ME3: variants seen among roughly 807,000 people sequenced by gnomAD.
The protein encoded by ME3 is malic enzyme 3.
ME3 carries 48 observed loss-of-function variants against 68.9 expected under a neutral mutation model. That is an observed-to-expected ratio of 0.70 (90% CI 0.55 to 0.89). The LOEUF is 0.89. ME3 is among the 40% of genes least tolerant of loss of function. The pLI is 0.00. For synonymous variants in ME3, 320 were observed against 318.8 expected (o/e 1.00, Z -0.04); for missense variants, 675 against 797.4 (o/e 0.85, Z 1.85).
chr11:86,560,734 G>GTATATATATATATATATA (rs1957173032), intron 2 of ME3, among the ~76,000 whole-genome samples: 2 of 54,098 alleles, frequency 3.7e-5, no homozygotes, highest in Non-Finnish European at 8.6e-5. Flanking sequence ...GTATGTGTGT[G>GTATATATATATATATATA]TGTGTGTGTG....
intron 2 of ME3, among the ~76,000 whole-genome samples, chr11:86,586,372 C>T (rs908401317): frequency 6.6e-6 from 1 of 152,120 alleles, no homozygotes; most frequent in Non-Finnish European, 1.5e-5. Context: ...GACAGCTGAC[C>T]CGGCAGCATC....
At chr11:86,436,038 A>G in the ME3 span, 1 of 152,222 alleles carries the variant, frequency 6.6e-6, no homozygotes, top group Non-Finnish European at 1.5e-5. Context: ...AGGTGGTGCA[A>G]CCACAGCATC....
intron 2 of ME3, among the ~76,000 whole-genome samples, chr11:86,567,375 T>G (rs1957547478): frequency 6.6e-6 from 1 of 152,224 alleles, no homozygotes; most frequent in South Asian, 2.1e-4. Context: ...ATACTGGGCT[T>G]CTTTTGTATT....
At chr11:86,467,662 TTCTCTCTCTCTCTCTC>T (rs57747402) in intron 7 of ME3, among the ~76,000 whole-genome samples, 28 of 144,304 alleles carry the variant, frequency 1.9e-4, no homozygotes, top group Admixed American at 1.4e-3. Flanking sequence ...CTCTCTCTGT[TTCTCTCTCTCTCTCTC>T]TCTCTCTCTC....
chr11:86,492,704 A>G (rs897138399), intron 6 of ME3, among the ~76,000 whole-genome samples: 1 of 152,208 alleles, frequency 6.6e-6, no homozygotes, highest in Non-Finnish European at 1.5e-5. Flanking sequence ...AGAGGGTTGA[A>G]TGTGCTCTCT....
At chr11:86,476,047 TC>T (rs1452021455) in intron 7 of ME3, among the ~76,000 whole-genome samples, 1 of 152,076 alleles carries the variant, frequency 6.6e-6, no homozygotes, top group Admixed American at 6.6e-5. Context: ...CTCATTAACT[TC>T]CTTTGTAGTC....
At chr11:86,557,192 A>G (rs1329622605) in intron 3 of ME3, among the ~76,000 whole-genome samples, 1 of 152,188 alleles carries the variant, frequency 6.6e-6, no homozygotes, top group Non-Finnish European at 1.5e-5. Context: ...TTCTGGGCAT[A>G]TAAGCACTCT....
intron 2 of ME3, among the ~76,000 whole-genome samples, chr11:86,648,767 T>A (rs542157933): frequency 6.6e-6 from 1 of 151,900 alleles, no homozygotes; most frequent in South Asian, 2.1e-4. Flanking sequence ...ACATACACCC[T>A]CCCAAGAAGA....
chr11:86,600,412 T>C (rs1412987765), intron 2 of ME3, among the ~76,000 whole-genome samples: 1 of 152,124 alleles, frequency 6.6e-6, no homozygotes, highest in Non-Finnish European at 1.5e-5. Context: ...ATATCCTAAA[T>C]ATATATGCAC....
At chr11:86,553,176 G>A (rs1956777440) in intron 4 of ME3, among the ~76,000 whole-genome samples, 1 of 152,210 alleles carries the variant, frequency 6.6e-6, no homozygotes, top group Admixed American at 6.5e-5. Context: ...ACCTTCTGTG[G>A]TGCCTATCTG....
intron 7 of ME3, among the ~76,000 whole-genome samples, chr11:86,467,548 A>T (rs921109130): frequency 6.6e-6 from 1 of 152,138 alleles, no homozygotes; most frequent in Non-Finnish European, 1.5e-5. Flanking sequence ...AATTTCTACA[A>T]GATTCCCAGT....
At chr11:86,447,609 G>A (rs1270071800) in intron 11 of ME3, among the ~76,000 whole-genome samples, 2 of 152,092 alleles carry the variant, frequency 1.3e-5, no homozygotes, top group African/African-American at 4.8e-5. Flanking sequence ...ACTTTGGGAG[G>A]CTGGGGGGCA....
the ME3 span, chr11:86,435,752 A>G: frequency 1.3e-5 from 2 of 152,286 alleles, no homozygotes; most frequent in Admixed American, 1.3e-4. Flanking sequence ...ATGGTGATAC[A>G]TAGCAGTTGC....
chr11:86,589,404 G>GAATGAATGATA (rs1958931476), intron 2 of ME3, among the ~76,000 whole-genome samples: 2 of 151,686 alleles, frequency 1.3e-5, no homozygotes, highest in African/African-American at 4.9e-5. Flanking sequence ...AATGAATGAT[G>GAATGAATGATA]AATGAATGAA....
intron 4 of ME3, among the ~76,000 whole-genome samples, chr11:86,514,131 T>C (rs1463621682): frequency 6.6e-6 from 1 of 152,188 alleles, no homozygotes; most frequent in African/African-American, 2.4e-5. Context: ...GCATTTCCCC[T>C]GCTTGCATTT....
intron 2 of ME3, among the ~76,000 whole-genome samples, chr11:86,580,388 A>G (rs1958371145): frequency 6.6e-6 from 1 of 152,050 alleles, no homozygotes; most frequent in Non-Finnish European, 1.5e-5. Flanking sequence ...TTAATATTTA[A>G]AGTCTCTTTT....
chr11:86,635,151 C>T (rs141378040), intron 2 of ME3, among the ~76,000 whole-genome samples: 4 of 152,238 alleles, frequency 2.6e-5, no homozygotes, highest in South Asian at 2.1e-4. Flanking sequence ...ATTAGCCAGG[C>T]GTGGTAGTGC....
chr11:86,652,173 G>A (rs1945486683), intron 2 of ME3, among the ~76,000 whole-genome samples: 1 of 152,158 alleles, frequency 6.6e-6, no homozygotes, highest in Non-Finnish European at 1.5e-5. Flanking sequence ...ACACTCTGCA[G>A]GATATTATCC....
At chr11:86,507,857 T>C (rs1474081331) in intron 5 of ME3, among the ~76,000 whole-genome samples, 1 of 151,916 alleles carries the variant, frequency 6.6e-6, no homozygotes, top group African/African-American at 2.4e-5. Flanking sequence ...TAGTGGCCCA[T>C]GCCTGTCGTC....
Sources: allele counts gnomAD v4.1 joint callset (sites outside exome capture counted in the v4.1 genomes callset), GRCh38; gene constraint gnomAD v4.1.1; transcripts MANE v1.5; gene names NCBI Gene and HGNC (gene_info 2026-07-23, HGNC 2026-07-21).